Variants in ANKRD30B observed in about 807,000 individuals in gnomAD.
ANKRD30B encodes ankyrin repeat domain 30B, also known as ankyrin repeat domain-containing protein 30B.
Under a neutral mutation model 202.2 loss-of-function variants are expected in ANKRD30B, and 144 were observed. The observed-to-expected ratio is 0.71, with a 90% CI of 0.62 to 0.82. ANKRD30B has a LOEUF of 0.82. Ranked by LOEUF, ANKRD30B falls within the 40% of genes least tolerant of loss-of-function variation. The probability of loss-of-function intolerance (pLI) is 0.00; values close to 1 mark genes in which losing one functional copy is unlikely to be tolerated. For synonymous variants in ANKRD30B, 508 were observed against 561.3 expected, an observed-to-expected ratio of 0.91 and a Z score of 1.34; for missense variants, 1,487 against 1,669.1, an observed-to-expected ratio of 0.89 and a Z score of 1.90.
chr18:14,907,782 C>A, the ANKRD30B span, among the ~76,000 whole-genome samples: 1 of 152,104 alleles, frequency 6.6e-6, no homozygotes, highest in African/African-American at 2.4e-5. Context: ...CTGGCTTCCC[C>A]CTACCTCACA....
chr18:14,886,765 A>T, the ANKRD30B span, among the ~76,000 whole-genome samples: 1 of 152,106 alleles, frequency 6.6e-6, no homozygotes, highest in Non-Finnish European at 1.5e-5. Flanking sequence ...ACACATATGA[A>T]AGACTAAGTC....
chr18:14,927,518 C>T, the ANKRD30B span, among the ~76,000 whole-genome samples: 4 of 152,308 alleles, frequency 2.6e-5, no homozygotes, highest in East Asian at 3.9e-4. Context: ...AAACCATGGA[C>T]AGCACAGGAG....
chr18:14,831,453 A>G lies in ANKRD30B; in HGVS notation c.2845A>G (p.Lys949Glu), dbSNP rs1472278851. The change falls in exon 34 of 44, where the codon AAG becomes GAG. Residue 949 changes from lysine to glutamate, a missense_variant and splice_region_variant. This residue lies in a region of ANKRD30B where 218 missense variants were observed against 320.1 expected (regional missense o/e 0.68). Coordinates refer to ENST00000690538, the MANE Select transcript of ANKRD30B (RefSeq NM_001367607.2). ...KVEEDFNLTT[K>E]EGATKTVTGQ... ...TGAGGAAGACTTTAATCTTACTACC[A>G]AGGTAAAATAGTCTCTTGTTAAATT... The G allele has an allele frequency of 2.0e-6, 3 of 1,502,622 alleles. No individual in the cohort carries two copies. The highest frequency in any genetic ancestry group is 2.7e-6 in the Non-Finnish European group (3 of 1,112,544). 93.1% of individuals were successfully genotyped at this position (1,502,622 alleles called of 1,614,324 possible).
In ANKRD30B at chr18:14,808,640, A is replaced by G. The variant is rs45469503; in HGVS notation, c.2314-32A>G. The G allele has an allele frequency of 3.0e-5, 47 of 1,556,912 alleles. 2 individuals carry two copies. The highest frequency in any genetic ancestry group is 3.8e-5 in the Non-Finnish European group (44 of 1,149,290). On this transcript the variant is annotated intron_variant, in intron 25 of 43. Coordinates refer to ENST00000690538, the MANE Select transcript of ANKRD30B (RefSeq NM_001367607.2). ...TACATATTTTTGAAGTATACATTAT[A>G]TATTAATTTTTGTGTTTCCAAACCC...
intron 16 of ANKRD30B, 81 bp from the exon 17 acceptor site, chr18:14,796,137 ATCT>A: frequency 1.4e-5 from 19 of 1,366,952 alleles, no homozygotes; most frequent in Non-Finnish European, 1.9e-5. Flanking sequence ...ATGAGGATTC[ATCT>A]TCATATTCAC....
chr18:14,900,827 A>G, the ANKRD30B span, among the ~76,000 whole-genome samples: 3 of 152,140 alleles, frequency 2.0e-5, no homozygotes, highest in African/African-American at 7.2e-5. Flanking sequence ...TGGAATTTGG[A>G]TTCTACCTTG....
intron 8 of ANKRD30B, 48 bp downstream of exon 8, chr18:14,769,421 T>C (rs71364853): frequency 4.1e-5 from 60 of 1,452,576 alleles, no homozygotes; most frequent in Non-Finnish European, 5.4e-5. Flanking sequence ...TCAGAAAACA[T>C]AGAGAAAAGA....
the ANKRD30B span, among the ~76,000 whole-genome samples, chr18:14,888,260 T>A: frequency 6.6e-6 from 1 of 152,098 alleles, no homozygotes; most frequent in Non-Finnish European, 1.5e-5. Flanking sequence ...TGTGGCTTGA[T>A]TATCTGACAA....
rs779845299 is a variant in ANKRD30B at position 14,848,917 on chromosome 18, T to A, written c.3383T>A (p.Leu1128His). ...ENQKAKWEQE[L>H]CSVRLTLNQE... ...CAAAAAGCTAAATGGGAACAAGAGC[T>A]CTGCAGTGTGAGGTATGACATCCTA... Residue 1128 changes from leucine to histidine, a missense_variant, in exon 40 of 44, where the codon CTC becomes CAC. Physicochemically the swap from Leu to His is moderately conservative, Grantham distance 99. Transcript: ENST00000690538. The A allele has an allele frequency of 9.5e-6, 15 of 1,577,782 alleles. No individual in the cohort carries two copies. Among genetic ancestry groups the A allele is most frequent in the Non-Finnish European group, 8.6e-7 (1 of 1,167,084 alleles).
In ANKRD30B at chr18:14,791,064, T is replaced by G. The variant is rs1426452810; in HGVS notation, c.1735-337T>G. On this transcript the variant is annotated intron_variant, in intron 15 of 43. Coordinates refer to ENST00000690538, the MANE Select transcript of ANKRD30B (RefSeq NM_001367607.2). ...TAAGCTATTGATTATTGCCACAATT[T>G]CAGATCCTGTTATTCGTCTATTCAG... 2.0e-5 allele frequency among the ~76,000 whole-genome samples: 3 copies of G among 152,328 alleles called. No individual in the cohort carries two copies. The East Asian group carries it at 5.8e-4, about 29-fold the overall frequency.
chr18:14,908,307 T>A, the ANKRD30B span, among the ~76,000 whole-genome samples: 1 of 152,240 alleles, frequency 6.6e-6, no homozygotes, highest in South Asian at 2.1e-4. Flanking sequence ...CCTCCGCTGT[T>A]TACTTCACTT....
At chr18:14,933,850 C>T in the ANKRD30B span, among the ~76,000 whole-genome samples, 48 of 152,292 alleles carry the variant, frequency 3.2e-4, no homozygotes, top group East Asian at 2.5e-3. Flanking sequence ...AATGAACTTG[C>T]CCTTTGTACA....
At chr18:14,882,745 T>C in the ANKRD30B span, among the ~76,000 whole-genome samples, 1 of 151,964 alleles carries the variant, frequency 6.6e-6, no homozygotes, top group Admixed American at 6.6e-5. Context: ...TCTATCTCAT[T>C]TCTTATGTCT....
chr18:14,756,000 A>G (rs1245055384), intron 4 of ANKRD30B, among the ~76,000 whole-genome samples: 1 of 152,178 alleles, frequency 6.6e-6, no homozygotes, highest in African/African-American at 2.4e-5. Context: ...CAATGGTTGA[A>G]CTAGTTTACA....
intron 6 of ANKRD30B, among the ~76,000 whole-genome samples, chr18:14,761,978 C>A (rs1476370097): frequency 2.6e-5 from 4 of 152,108 alleles, no homozygotes; most frequent in Non-Finnish European, 5.9e-5. Flanking sequence ...TTATTGAAAG[C>A]ATAAACAGTC....
the ANKRD30B span, among the ~76,000 whole-genome samples, chr18:14,897,895 G>A: frequency 8.5e-5 from 13 of 152,072 alleles, no homozygotes; most frequent in Admixed American, 7.2e-4. Context: ...CTTTATTGGC[G>A]TTCTCTCTTC....
Position 14,822,599 on chromosome 18 carries a change from A to G in ANKRD30B, c.2671-6A>G. The G allele has an allele frequency of 7.3e-7, 1 of 1,364,420 alleles. No individual in the cohort carries two copies. 84.5% of individuals were successfully genotyped at this position (1,364,420 alleles called of 1,614,324 possible). ...TAGTAATTATTGTGTTTCCAAACCC[A>G]TTTAGCCTACCTGTGGAATGAAAAT... On this transcript the variant is annotated splice_polypyrimidine_tract_variant and splice_region_variant and intron_variant, in intron 31 of 43. Transcript: ENST00000690538.
chr18:14,855,350 C>T (rs1972051401), downstream of ANKRD30B, among the ~76,000 whole-genome samples: 1 of 152,230 alleles, frequency 6.6e-6, no homozygotes, highest in Admixed American at 6.5e-5. Flanking sequence ...TCCTTTTCCC[C>T]ACATTTCCCT....
chr18:14,883,456 T>C, the ANKRD30B span: 2 of 146,240 alleles, frequency 1.4e-5, no homozygotes, highest in Non-Finnish European at 3.0e-5. Flanking sequence ...TGTATATATC[T>C]ATATATCTAT....
Sources: gnomAD v4.1 joint callset for allele counts (sites outside exome capture counted in the v4.1 genomes callset) on GRCh38, gnomAD v4.1.1 for gene constraint, gnomAD v4.1.1 regional missense constraint, MANE v1.5 for transcripts, NCBI Gene and HGNC (gene_info 2026-07-23, HGNC 2026-07-21) for gene names.